KLRF1: variants seen among roughly 807,000 people sequenced by gnomAD.
KLRF1 encodes the protein killer cell lectin-like receptor subfamily F member 1.
KLRF1 carries 27 observed loss-of-function variants against 30.7 expected under a neutral mutation model. The ratio of observed to expected loss-of-function variants is 0.88; its 90% CI spans 0.65 to 1.21. KLRF1 has a LOEUF of 1.21. Among genes scored for constraint, KLRF1 ranks in the 50% most tolerant of loss-of-function variants. The pLI is 0.00. For synonymous variants in KLRF1, 92 were observed against 89.3 expected (o/e 1.03, Z -0.17); for missense variants, 246 against 259.3 (o/e 0.95, Z 0.35).
the KLRF1 span, among the ~76,000 whole-genome samples, chr12:9,813,007 G>A: frequency 0.55 from 84,239 of 152,076 alleles, 25,888 homozygotes; most frequent in Non-Finnish European, 0.68. Flanking sequence ...GGGATGGGCC[G>A]ATCACAGAGT....
chr12:9,823,572 A>G (rs753494584), upstream of KLRF1, among the ~76,000 whole-genome samples: 2 of 152,302 alleles, frequency 1.3e-5, no homozygotes, highest in Non-Finnish European at 2.9e-5. Context: ...ACATATAACT[A>G]AAAGAACTGG....
chr12:9,833,176 A>T (rs1867482893), intron 2 of KLRF1, 127 bp from the exon 3 acceptor site: 2 of 586,776 alleles, frequency 3.4e-6, no homozygotes, highest in African/African-American at 1.9e-5. Context: ...TGAAAATTTT[A>T]AAAAGATCCT....
At chr12:9,835,771 G>C (rs1031510494) in intron 3 of KLRF1, among the ~76,000 whole-genome samples, 2 of 152,050 alleles carry the variant, frequency 1.3e-5, no homozygotes, top group African/African-American at 4.8e-5. Context: ...ATACATAAAG[G>C]AGTGGCCACA....
chr12:9,829,230 T>G lies in KLRF1; in HGVS notation c.85+1601T>G, dbSNP rs928606131. Among the ~76,000 whole-genome samples, 7 of 152,290 alleles carry G rather than the reference T, an allele frequency of 4.6e-5. No homozygotes were observed. The East Asian group carries it at 1.3e-3, about 29-fold the overall frequency. ...GAAATAATATTATAATAATAGTTAC[T>G]TAAAACAGATTAAAATGTTTTGCGG... On this transcript the variant is annotated intron_variant, in intron 1 of 5. Coordinates refer to ENST00000617889, the MANE Select transcript of KLRF1 (RefSeq NM_016523.3).
the KLRF1 span, among the ~76,000 whole-genome samples, chr12:9,815,688 A>G: frequency 6.6e-6 from 1 of 152,204 alleles, no homozygotes; most frequent in African/African-American, 2.4e-5. Context: ...CAAGACTATG[A>G]GGAAAGTGGT....
the KLRF1 span, among the ~76,000 whole-genome samples, chr12:9,810,141 A>C: frequency 4.6e-5 from 7 of 152,310 alleles, no homozygotes; most frequent in East Asian, 1.4e-3. Flanking sequence ...TTTGTAGGTC[A>C]TCCTGGATAT....
the KLRF1 span, among the ~76,000 whole-genome samples, chr12:9,801,703 C>T: frequency 3.3e-5 from 5 of 151,706 alleles, no homozygotes; most frequent in Admixed American, 2.6e-4. Flanking sequence ...TTGTTTGTTT[C>T]GTTCTTGTAA....
At chr12:9,807,842 G>A in the KLRF1 span, among the ~76,000 whole-genome samples, 1 of 152,188 alleles carries the variant, frequency 6.6e-6, no homozygotes, top group East Asian at 1.9e-4. Context: ...TTAGTTGACA[G>A]AGTTTTTAAA....
chr12:9,813,126 T>C, the KLRF1 span, among the ~76,000 whole-genome samples: 3 of 148,628 alleles, frequency 2.0e-5, no homozygotes, highest in Non-Finnish European at 4.5e-5. Context: ...TTTATGTCTT[T>C]TTATTTTTTT....
At chr12:9,809,046 A>G in the KLRF1 span, among the ~76,000 whole-genome samples, 1 of 152,180 alleles carries the variant, frequency 6.6e-6, no homozygotes, top group Non-Finnish European at 1.5e-5. Context: ...TACAACTTGG[A>G]TATCTAATAC....
At chr12:9,826,848 T>G (rs1867291438), upstream of KLRF1, among the ~76,000 whole-genome samples, 1 of 151,848 alleles carries the variant, frequency 6.6e-6, no homozygotes, top group East Asian at 1.9e-4. Flanking sequence ...TAGAGGAGAA[T>G]GACAGACACC....
rs1867777983 is a variant in KLRF1 at position 9,844,804 on chromosome 12, G to A, written c.*278G>A. On this transcript the variant is annotated 3_prime_UTR_variant, in exon 6 of 6. Transcript: ENST00000617889. ...TCGTCGCTTATTTTATGCCAAATGTGATCAAATTATGCCTGTTTTTCTGTA... is the reference window on the plus strand; with the variant it reads ...TCGTCGCTTATTTTATGCCAAATGTAATCAAATTATGCCTGTTTTTCTGTA... 1 of 187,156 alleles carries A rather than the reference G, an allele frequency of 5.3e-6. No individual in the cohort carries two copies. The highest frequency in any genetic ancestry group is 1.6e-4 in the South Asian group (1 of 6,376). 11.6% of individuals were successfully genotyped at this position (187,156 alleles called of 1,614,324 possible).
upstream of KLRF1, among the ~76,000 whole-genome samples, chr12:9,822,889 T>C (rs1565501419): frequency 6.6e-6 from 1 of 152,142 alleles, no homozygotes; most frequent in Non-Finnish European, 1.5e-5. Flanking sequence ...CATTACATAA[T>C]AATAAATTCA....
chr12:9,801,459 C>T, the KLRF1 span, among the ~76,000 whole-genome samples: 4 of 152,014 alleles, frequency 2.6e-5, no homozygotes, highest in South Asian at 2.1e-4. Flanking sequence ...TTTACATTCC[C>T]ACCAAGAGTG....
chr12:9,843,542 A>C (rs1197382685), intron 5 of KLRF1, among the ~76,000 whole-genome samples: 1 of 152,154 alleles, frequency 6.6e-6, no homozygotes, highest in African/African-American at 2.4e-5. Flanking sequence ...ATTATTTGGA[A>C]TGCAGTGTAA....
In KLRF1 at chr12:9,842,432, ATGTGAGTCTTTC is replaced by A; in HGVS notation, c.587+1_587+12del. On this transcript the variant is annotated splice_donor_variant and splice_donor_5th_base_variant and coding_sequence_variant and intron_variant, in exon 5 of 6. Transcript: ENST00000617889. LOFTEE classifies it high-confidence loss of function. ...GGATGGTTCTCCAATAGATTCAAAG[ATGTGAGTCTTTC>A]TTAAAAGGCAATCTGATTTATTGTT... 3 of 1,611,108 alleles carry A rather than the reference ATGTGAGTCTTTC, an allele frequency of 1.9e-6. No individual in the cohort carries two copies. Among genetic ancestry groups the A allele is most frequent in the Non-Finnish European group, 2.5e-6 (3 of 1,178,340 alleles).
intron 3 of KLRF1, among the ~76,000 whole-genome samples, chr12:9,841,278 A>T (rs1268324713): frequency 2.0e-5 from 3 of 151,946 alleles, no homozygotes; most frequent in African/African-American, 7.3e-5. Context: ...ACATGGACAC[A>T]TAGAGGGAAA....
At chr12:9,825,170 C>G (rs1469934344), upstream of KLRF1, among the ~76,000 whole-genome samples, 1 of 151,602 alleles carries the variant, frequency 6.6e-6, no homozygotes, top group Non-Finnish European at 1.5e-5. Context: ...CAAGGCAATC[C>G]TAAGCAAAAA....
chr12:9,835,105 CTT>C (rs901934937), intron 3 of KLRF1, among the ~76,000 whole-genome samples: 3 of 151,798 alleles, frequency 2.0e-5, no homozygotes, highest in African/African-American at 7.3e-5. Flanking sequence ...TGGAATAACT[CTT>C]TTTTGTCGTG....
Sources: gnomAD v4.1 joint callset for allele counts (sites outside exome capture counted in the v4.1 genomes callset) on GRCh38, gnomAD v4.1.1 for gene constraint, MANE v1.5 for transcripts, NCBI Gene and HGNC (gene_info 2026-07-23, HGNC 2026-07-21) for gene names.